FLG: variants seen among roughly 807,000 people sequenced by gnomAD.
FLG encodes filaggrin, also known as epidermal filaggrin.
Under a neutral mutation model 3.8 loss-of-function variants are expected in FLG, and 6 were observed. The observed-to-expected ratio is 1.60, with a 90% CI of 0.87 to 3.15. FLG has a LOEUF of 3.15. Among genes scored for constraint, FLG ranks in the 30% most tolerant of loss-of-function variants. The pLI is 0.00. For missense variants in FLG, 7,595 were observed against 5,050.9 expected (o/e 1.50, Z -15.27); for synonymous variants, 2,551 against 1,931.6 (o/e 1.32, Z -8.41).
In FLG at chr1:152,303,337, G is replaced by A. The variant is rs1651717302; in HGVS notation, c.11549C>T (p.Ser3850Leu). 2.5e-6 allele frequency: 4 copies of A among 1,614,016 alleles called. No individual in the cohort carries two copies. The highest frequency in any genetic ancestry group is 3.4e-6 in the Non-Finnish European group (4 of 1,180,038). The change falls in exon 3 of 3, where the codon TCA becomes TTA. Residue 3850 changes from serine (S) to leucine (L), a missense_variant. Physicochemically the swap from Ser to Leu is moderately radical, Grantham distance 145. Transcript: ENST00000368799. Reference protein sequence around the residue: ...SRHSQSGQGESAGSRRSRRQG... With the variant: ...SRHSQSGQGELAGSRRSRRQG... ...GCGCCTGCTTCTCCTGGACCCCGCT[G>A]ATTCACCCTGGCCGGACTGTGAGTG...
rs766139040 is a variant in FLG, at chr1:152,312,828, C to A, written c.2058G>T (p.Gln686His). 8.7e-6 allele frequency: 14 copies of A among 1,613,954 alleles called. No individual in the cohort carries two copies. The Admixed American group carries it at 2.2e-4, about 25-fold the overall frequency. The part of the protein sequence containing the change: ...SSRKSGTRHT[Q>H]NSSSGQAASS... ...ACGCAGCCTGTCCACTAGAGGAATT[C>A]TGTGTGTGACGAGTGCCTGATTTTC... Residue 686 changes from glutamine to histidine, a missense_variant, in exon 3 of 3, where the codon CAG becomes CAT. By Grantham distance (24) the Gln-to-His change is conservative. Coordinates refer to ENST00000368799, the MANE Select transcript of FLG (RefSeq NM_002016.2).
chr1:152,311,711 T>A lies in FLG; in HGVS notation c.3175A>T (p.Arg1059Ter), dbSNP rs746677841. Residue 1059 changes from arginine (R) to a stop codon, truncating the protein, a stop_gained, in exon 3 of 3, where the codon AGA becomes TGA. Transcript: ENST00000368799. LOFTEE classifies it low-confidence loss of function (END_TRUNC). ...IPRRQASSAVRDSGHWGSSGS... is the reference protein window; with the variant it reads ...IPRRQASSAV ...CTGGACCCCCAGTGTCCACTGTCTCTGACTGCAGATGAAGCTTGTCTGCGC... is the reference window on the plus strand; with the variant it reads ...CTGGACCCCCAGTGTCCACTGTCTCAGACTGCAGATGAAGCTTGTCTGCGC... The A allele has an allele frequency of 1.9e-6, 3 of 1,614,116 alleles. No individual in the cohort carries two copies. The East Asian group carries it at 6.7e-5, about 36-fold the overall frequency.
rs145466389 is a variant in FLG at position 152,304,503 on chromosome 1, C to T, written c.10383G>A (p.Gly3461=). 1.6e-4 allele frequency: 252 copies of T among 1,612,816 alleles called. 1 individual carries two copies. In the African/African-American group the frequency reaches 3.0e-3, roughly 19 times the overall value. ...EQSVDRSGHS[G]SHHSHTTSQG... Reference sequence around the variant, plus strand: ...GGGATGTGGTGTGGCTGTGATGGGACCCTGAGTGTCCAGACCTATCTACCG... The same window carrying T: ...GGGATGTGGTGTGGCTGTGATGGGATCCTGAGTGTCCAGACCTATCTACCG... Residue 3461 remains glycine, a synonymous_variant, in exon 3 of 3, where the codon GGG becomes GGA. Transcript: ENST00000368799.
rs757234525 is a variant in FLG at position 152,305,185 on chromosome 1, G to A, written c.9701C>T (p.Ser3234Phe). The A allele has an allele frequency of 6.2e-7, 1 of 1,613,760 alleles. No individual in the cohort carries two copies. The highest frequency in any genetic ancestry group is 8.5e-7 in the Non-Finnish European group (1 of 1,179,968). ...AGATCCACGATGGTTTCTGGAAGCA[G>A]ACCCAGACCACCTCTCAGAGTCTTC... Reference protein sequence around the residue: ...HSEDSERWSGSASRNHRGSVQ... With the variant: ...HSEDSERWSGFASRNHRGSVQ... The change falls in exon 3 of 3, where the codon TCT (serine) becomes TTT (phenylalanine). Residue 3234 changes from serine (S) to phenylalanine (F), a missense_variant. Coordinates refer to ENST00000368799, the MANE Select transcript of FLG (RefSeq NM_002016.2).
chr1:152,305,449 T>C lies in FLG; in HGVS notation c.9437A>G (p.Gln3146Arg), dbSNP rs1341467729. ...SGSHHSHTTSQGRSDASRGQS... is the reference protein window; with the variant it reads ...SGSHHSHTTSRGRSDASRGQS... ...CCCACGGGAGGCATCAGACCTTCCC[T>C]GGGATGTGGTGTGGCTGTGATGGGA... is the stretch of plus-strand genomic sequence containing the variant. The change falls in exon 3 of 3, where the codon CAG becomes CGG. Residue 3146 changes from glutamine to arginine, a missense_variant. Coordinates refer to ENST00000368799, the MANE Select transcript of FLG (RefSeq NM_002016.2). 1.9e-6 allele frequency: 3 copies of C among 1,593,816 alleles called. No individual in the cohort carries two copies. Among genetic ancestry groups the C allele is most frequent in the Non-Finnish European group, 2.6e-6 (3 of 1,174,730 alleles).
rs1437547681 is a variant in FLG, at chr1:152,312,554, A to G, written c.2332T>C (p.Ser778Pro). ...AGHHQQSHQE[S>P]ARDRSGERSR... ...CTTTCCCCTGACCGGTCACGTGCGG[A>G]CTCTTGGTGGCTCTGCTGATGGTGA... The change falls in exon 3 of 3, where the codon TCC (serine) becomes CCC (proline). Residue 778 changes from serine (S) to proline (P), a missense_variant. Coordinates refer to ENST00000368799, the MANE Select transcript of FLG (RefSeq NM_002016.2). 1 of 1,609,452 alleles carries G rather than the reference A, an allele frequency of 6.2e-7. No homozygotes were observed. Among genetic ancestry groups the G allele is most frequent in the South Asian group, 1.1e-5 (1 of 90,722 alleles).
At position 152,308,897 on chromosome 1, in the gene FLG, C is replaced by A; in HGVS notation, c.5989G>T (p.Ala1997Ser). The A allele has an allele frequency of 6.2e-7, 1 of 1,613,964 alleles. No homozygotes were observed. Among genetic ancestry groups the A allele is most frequent in the Non-Finnish European group, 8.5e-7 (1 of 1,180,000 alleles). Reference protein sequence around the residue: ...RGQAASSHEQARSSAGERHGS... With the variant: ...RGQAASSHEQSRSSAGERHGS... ...TGTCTTTCTCCTGCACTTGATCTTG[C>A]CTGTTCATGGGATGACGCAGCCTGT... is the stretch of plus-strand genomic sequence containing the variant. The change falls in exon 3 of 3, where the codon GCA becomes TCA. Residue 1997 changes from alanine to serine, a missense_variant. Transcript: ENST00000368799.
At chr1:152,325,091 C>G (rs1480409963) in intron 1 of FLG, 98 bp downstream of exon 1, 1 of 151,736 alleles carries the variant, frequency 6.6e-6, no homozygotes, top group Admixed American at 6.6e-5. Context: ...AGAGAAAAAC[C>G]CTAAACTTCC....
Position 152,302,696 on chromosome 1 carries a change from T to A in FLG, c.*4A>T. On this transcript the variant is annotated 3_prime_UTR_variant, in exon 3 of 3. Transcript: ENST00000368799. ...CTTGGATTAATTCCTTTGCCATTAA[T>A]TTCTTACTCATAGTAATAGTATCTC... 6.2e-7 allele frequency: 1 copy of A among 1,613,532 alleles called. No homozygotes were observed. Among genetic ancestry groups the A allele is most frequent in the Non-Finnish European group, 8.5e-7 (1 of 1,179,610 alleles).
chr1:152,311,115 T>C lies in FLG; in HGVS notation c.3771A>G (p.Ser1257=). ...GGTGCCTGCTTGTCCTGGACCCCGATGATTGTTCCTGTCCCACCTGTGAGT... is the reference window on the plus strand; with the variant it reads ...GGTGCCTGCTTGTCCTGGACCCCGACGATTGTTCCTGTCCCACCTGTGAGT... The part of the protein sequence containing the change: ...SRHSQVGQEQ[S]SGSRTSRHQG... Residue 1257 remains serine (S), a synonymous_variant, in exon 3 of 3, where the codon TCA becomes TCG. Coordinates refer to ENST00000368799, the MANE Select transcript of FLG (RefSeq NM_002016.2). The C allele has an allele frequency of 1.9e-6, 3 of 1,613,840 alleles. No individual in the cohort carries two copies. The highest frequency in any genetic ancestry group is 2.5e-6 in the Non-Finnish European group (3 of 1,179,966).
At position 152,310,768 on chromosome 1, in the gene FLG, A is replaced by T; in HGVS notation, c.4118T>A (p.Ile1373Asn). Residue 1373 changes from isoleucine (I) to asparagine (N), a missense_variant, in exon 3 of 3, where the codon ATT becomes AAT. Ile to Asn is a moderately radical substitution (Grantham distance 149). Coordinates refer to ENST00000368799, the MANE Select transcript of FLG (RefSeq NM_002016.2). ...QSADSSRHSG[I>N]GHRQASSAVR... The stretch of plus-strand genomic sequence containing the variant: ...TGCAGATGAAGCTTGTCTGTGCCCA[A>T]TGCCTGAGTGTCTGGAGCTGTCTGC... 6.2e-7 allele frequency: 1 copy of T among 1,613,438 alleles called. No individual in the cohort carries two copies. The highest frequency in any genetic ancestry group is 1.1e-5 in the South Asian group (1 of 91,024).
In FLG at chr1:152,311,428, G is replaced by A; in HGVS notation, c.3458C>T (p.Ser1153Phe). The A allele has an allele frequency of 6.2e-7, 1 of 1,613,962 alleles. No homozygotes were observed. The highest frequency in any genetic ancestry group is 8.5e-7 in the Non-Finnish European group (1 of 1,179,976). ...GSHHEQARDS[S>F]RHSASQEGQD... The stretch of plus-strand genomic sequence containing the variant: ...ACCCTCTTGGGACGCTGAGTGCCTG[G>A]AGCTGTCTCGTGCCTGCTCGTGGTG... The change falls in exon 3 of 3, where the codon TCC becomes TTC. Residue 1153 changes from serine (S) to phenylalanine (F), a missense_variant. Coordinates refer to ENST00000368799, the MANE Select transcript of FLG (RefSeq NM_002016.2).
At position 152,312,903 on chromosome 1, in the gene FLG, C is replaced by A. The variant is rs748247501; in HGVS notation, c.1983G>T (p.Arg661Ser). The A allele has an allele frequency of 6.2e-7, 1 of 1,613,964 alleles. No homozygotes were observed. The highest frequency in any genetic ancestry group is 8.5e-7 in the Non-Finnish European group (1 of 1,180,008). Residue 661 changes from arginine (R) to serine (S), a missense_variant, in exon 3 of 3, where the codon AGG (arginine) becomes AGT (serine). Transcript: ENST00000368799. ...EQSRDGSRHP[R>S]SHHEDRAGHG... The stretch of plus-strand genomic sequence containing the variant: ...GACCAGCTCTGTCTTCGTGATGGGA[C>A]CTGGGGTGTCTGGAGCCATCTCTTG...
Position 152,304,262 on chromosome 1 carries a change from C to T in FLG, c.10624G>A (p.Asp3542Asn), listed in dbSNP as rs146356493. The T allele has an allele frequency of 1.3e-5, 21 of 1,613,162 alleles. No individual in the cohort carries two copies. The African/African-American group carries it at 2.5e-4, about 20-fold the overall frequency. Residue 3542 changes from aspartate to asparagine, a missense_variant, in exon 3 of 3, where the codon GAC becomes AAC. Coordinates refer to ENST00000368799, the MANE Select transcript of FLG (RefSeq NM_002016.2). ...TCTGAGTGTCCCTGACTGTCACTGT[C>T]CTGGCTAACACTGGATCCCTGGTTC... Reference protein sequence around the residue: ...SRNQGSSVSQDSDSQGHSEDS... With the variant: ...SRNQGSSVSQNSDSQGHSEDS...
chr1:152,314,786 C>T, intron 2 of FLG, 39 bp from the exon 3 acceptor site: 1 of 1,612,754 alleles, frequency 6.2e-7, no homozygotes, highest in Non-Finnish European at 8.5e-7. Flanking sequence ...CTGCATCAGA[C>T]AGAATCACAT....
In FLG at chr1:152,310,470, C is replaced by A; in HGVS notation, c.4416G>T (p.Gln1472His). Residue 1472 changes from glutamine (Q) to histidine (H), a missense_variant, in exon 3 of 3, where the codon CAG becomes CAT. Physicochemically the swap from Gln to His is conservative, Grantham distance 24. Transcript: ENST00000368799. ...TGGRQGSRHE[Q>H]ARNSSRHSAS... is the part of the protein sequence containing the mutation. ...CTGAGTGCCTAGAGCTGTTTCGTGC[C>A]TGCTCATGGCGGGATCCTTGTCTTC... is the stretch of plus-strand genomic sequence containing the variant. The A allele has an allele frequency of 1.2e-6, 2 of 1,613,698 alleles. No homozygotes were observed. The highest frequency in any genetic ancestry group is 1.7e-6 in the Non-Finnish European group (2 of 1,179,846).
At position 152,308,327 on chromosome 1, in the gene FLG, T is replaced by C; in HGVS notation, c.6559A>G (p.Arg2187Gly). The C allele has an allele frequency of 6.2e-7, 1 of 1,613,812 alleles. No individual in the cohort carries two copies. The highest frequency in any genetic ancestry group is 8.5e-7 in the Non-Finnish European group (1 of 1,179,832). The stretch of plus-strand genomic sequence containing the variant: ...TCATATGTTTTTCTGCTTGCACTTC[T>C]GGATCCTGACTGCCCACGGGAGGCA... Reference protein sequence around the residue: ...SDASRGQSGSRSASRKTYDKE... With the variant: ...SDASRGQSGSGSASRKTYDKE... The change falls in exon 3 of 3, where the codon AGA becomes GGA. Residue 2187 changes from arginine (R) to glycine (G), a missense_variant. By Grantham distance (125) the Arg-to-Gly change is moderately radical. Transcript: ENST00000368799.
rs1370542768 is a variant in FLG, at chr1:152,312,944, A to C, written c.1942T>G (p.Ser648Ala). 1.9e-6 allele frequency: 3 copies of C among 1,613,908 alleles called. No homozygotes were observed. The highest frequency in any genetic ancestry group is 2.5e-6 in the Non-Finnish European group (3 of 1,180,000). ...CCATCTCTTGACTGCTCCTGAGCAG[A>C]TCCATGATGGTTTCTGGAAGCAGAC... ...SGSASRNHHG[S>A]AQEQSRDGSR... is the part of the protein sequence containing the mutation. The change falls in exon 3 of 3, where the codon TCT becomes GCT. Residue 648 changes from serine (S) to alanine (A), a missense_variant. Ser to Ala is a moderately conservative substitution (Grantham distance 99, BLOSUM62 1). Coordinates refer to ENST00000368799, the MANE Select transcript of FLG (RefSeq NM_002016.2).
At chr1:152,315,160 G>A (rs1276273495) in intron 2 of FLG, among the ~76,000 whole-genome samples, 159 bp downstream of exon 2, 1 of 151,918 alleles carries the variant, frequency 6.6e-6, no homozygotes, top group African/African-American at 2.4e-5. Context: ...TATACATCCA[G>A]GTATAGGGGA....
Sources: allele counts gnomAD v4.1 joint callset (sites outside exome capture counted in the v4.1 genomes callset), GRCh38; gene constraint gnomAD v4.1.1; transcripts MANE v1.5; gene names NCBI Gene and HGNC (gene_info 2026-07-23, HGNC 2026-07-21).